Variants in OGT observed in about 807,000 individuals in gnomAD.
OGT encodes the protein UDP-N-acetylglucosamine--peptide N-acetylglucosaminyltransferase 110 kDa subunit.
In OGT, 3 loss-of-function variants were observed where a neutral mutation model predicts 75.8. That is an observed-to-expected ratio of 0.04 (90% CI 0.02 to 0.10). OGT has a LOEUF of 0.10. Among genes scored for constraint, OGT ranks in the 10% least tolerant of loss-of-function variants. The probability of loss-of-function intolerance (pLI) is 1.00; values close to 1 mark genes in which losing one functional copy is unlikely to be tolerated. For synonymous variants in OGT, 257 were observed against 289.7 expected (o/e 0.89, Z 1.15); for missense variants, 260 against 824.4 (o/e 0.32, Z 8.38).
intron 15 of OGT, among the ~76,000 whole-genome samples, chrX:71,562,217 A>G (rs753573523): frequency 3.1e-4 from 35 of 112,737 alleles, no homozygotes; most frequent in Non-Finnish European, 6.0e-4. Flanking sequence ...TAATCCCAGC[A>G]CTTTGGGATG....
chrX:71,552,448 G>A (rs1225453899), intron 5 of OGT, among the ~76,000 whole-genome samples: 1 of 104,067 alleles, frequency 9.6e-6, no homozygotes, highest in Non-Finnish European at 2.0e-5. Context: ...AAGTGCAGTG[G>A]TGTGATCTTG....
At chrX:71,564,986 G>A (rs751700566) in intron 19 of OGT, among the ~76,000 whole-genome samples, 10 of 110,890 alleles carry the variant, frequency 9.0e-5, no homozygotes, top group African/African-American at 3.3e-4. Context: ...GCAAAACCCC[G>A]TCTCTATTAA....
intron 14 of OGT, among the ~76,000 whole-genome samples, chrX:71,560,742 C>T (rs1006718911): frequency 2.7e-5 from 3 of 111,442 alleles, no homozygotes; most frequent in African/African-American, 9.8e-5. Flanking sequence ...CACAGTTGGA[C>T]TCTTTGTGAC....
intron 21 of OGT, among the ~76,000 whole-genome samples, chrX:71,568,348 G>GA (rs1287618549): frequency 1.8e-5 from 2 of 112,086 alleles, no homozygotes; most frequent in African/African-American, 6.5e-5. Flanking sequence ...CAAACGAGGG[G>GA]AAAAAATCTT....
chrX:71,554,247 A>G (rs774264454), intron 5 of OGT, among the ~76,000 whole-genome samples: 1 of 112,107 alleles, frequency 8.9e-6, no homozygotes, highest in African/African-American at 3.2e-5. Context: ...AGAAGTGTTC[A>G]GTTTAATGAA....
At chrX:71,541,568 T>C (rs1025359175) in intron 3 of OGT, among the ~76,000 whole-genome samples, 8 of 111,490 alleles carry the variant, frequency 7.2e-5, no homozygotes, top group Non-Finnish European at 1.1e-4. Context: ...GAAGATTTCC[T>C]CGAGTGGGTG....
At chrX:71,534,419 C>T (rs1411548611) in intron 1 of OGT, 1 of 111,018 alleles carries the variant, frequency 9.0e-6, no homozygotes, top group African/African-American at 3.3e-5. Context: ...TGTCCTTCAG[C>T]TGCCTTTCCA....
chrX:71,544,727 A>G, intron 4 of OGT, 92 bp downstream of exon 4: 1 of 724,730 alleles, frequency 1.4e-6, no homozygotes, highest in Non-Finnish European at 2.1e-6. Flanking sequence ...CTATCTTCAC[A>G]AAACAGTCCT....
At chrX:71,546,464 C>G (rs2040259582) in intron 4 of OGT, 1 of 753,710 alleles carries the variant, frequency 1.3e-6, no homozygotes, top group Non-Finnish European at 1.6e-6. Context: ...AGGAACGCAC[C>G]GAAAAGTCAC....
intron 21 of OGT, among the ~76,000 whole-genome samples, chrX:71,570,040 T>TTG (rs1207876282): frequency 2.6e-5 from 2 of 77,150 alleles, no homozygotes; most frequent in African/African-American, 1.0e-4. Flanking sequence ...GGCGTTTTTT[T>TTG]TTTTTTTTTT....
intron 7 of OGT, 140 bp downstream of exon 7, chrX:71,555,525 C>T (rs2040336804): frequency 1.9e-6 from 1 of 529,297 alleles, no homozygotes; most frequent in African/African-American, 2.4e-5. Context: ...GTTTCGAGAC[C>T]AGCCTAGGCA....
intron 3 of OGT, among the ~76,000 whole-genome samples, chrX:71,540,224 T>C: frequency 8.9e-6 from 1 of 112,416 alleles, no homozygotes; most frequent in Non-Finnish European, 1.9e-5. Flanking sequence ...ATAGTGATCA[T>C]ATTTTAATTT....
chrX:71,562,884 T>C lies in OGT; in HGVS notation c.2015T>C (p.Leu672Pro). 8.3e-7 allele frequency: 1 copy of C among 1,199,724 alleles called. No individual in the cohort carries two copies. Among genetic ancestry groups the C allele is most frequent in the Non-Finnish European group, 1.1e-6 (1 of 886,206 alleles). The change falls in exon 16 of 22, where the codon CTT (leucine) becomes CCT (proline). Residue 672 changes from leucine to proline, a missense_variant. Leu to Pro is a moderately conservative substitution (Grantham distance 98). Transcript: ENST00000373719. ...WLGYPGTSGALFMDYIITDQE... is the reference protein window; with the variant it reads ...WLGYPGTSGAPFMDYIITDQE... ...GGATACCCTGGGACGAGTGGTGCGCTTTTCATGGATTATATTATCACTGAT... is the reference window on the plus strand; with the variant it reads ...GGATACCCTGGGACGAGTGGTGCGCCTTTCATGGATTATATTATCACTGAT...
Position 71,549,082 on chromosome X carries a change from A to T in OGT, c.648+1059A>T, listed in dbSNP as rs2040282364. Among the ~76,000 whole-genome samples the T allele has an allele frequency of 2.8e-5, 3 of 108,983 alleles. No homozygotes were observed. The South Asian group carries it at 1.2e-3, about 44-fold the overall frequency. 94.6% of individuals were successfully genotyped at this position (108,983 alleles called of 115,157 possible). A position where few individuals can be genotyped will look rare whatever the true frequency, so the allele number is the denominator to read the frequency against. On this transcript the variant is annotated intron_variant, in intron 5 of 21. Transcript: ENST00000373719. ...TGCTTTGGGAGGCCGAGGCGGGCAG[A>T]TTGCTTGAGCTTAGGAGTTGAAAAC...
rs1442760231 is a variant in OGT, at chrX:71,574,882, C to A, written c.*1088C>A. The A allele has an allele frequency of 9.1e-6, 1 of 110,069 alleles. No individual in the cohort carries two copies. Among genetic ancestry groups the A allele is most frequent in the Non-Finnish European group, 1.9e-5 (1 of 52,737 alleles). The allele number at this position is 110,069 out of a possible 1,213,427, so 9.1% of individuals were successfully genotyped here. On this transcript the variant is annotated 3_prime_UTR_variant, in exon 22 of 22. Coordinates refer to ENST00000373719, the MANE Select transcript of OGT (RefSeq NM_181672.3). ...CAGTTATCTCCAGTGCATTAAATAA[C>A]CTTCATCAAGAAATAGGTTATAGGT...
rs1469380744 is a variant in OGT, at chrX:71,575,464, T to C, written c.*1670T>C. 1 of 112,900 alleles carries C rather than the reference T, an allele frequency of 8.9e-6. No homozygotes were observed. Among genetic ancestry groups the C allele is most frequent in the African/African-American group, 3.2e-5 (1 of 31,016 alleles). The allele number at this position is 112,900 out of a possible 1,213,427, so 9.3% of individuals were successfully genotyped here. On this transcript the variant is annotated 3_prime_UTR_variant, in exon 22 of 22. Transcript: ENST00000373719. Reference sequence around the variant, plus strand: ...AATCACGGAATATCCGTGAAGGGATTTCTTAATTTATTTTTTACCGGTTGA... The same window carrying C: ...AATCACGGAATATCCGTGAAGGGATCTCTTAATTTATTTTTTACCGGTTGA...
At position 71,568,055 on chromosome X, in the gene OGT, A is replaced by G; in HGVS notation, c.2905A>G (p.Ile969Val). 1.7e-6 allele frequency: 2 copies of G among 1,208,791 alleles called. No homozygotes were observed. Among genetic ancestry groups the G allele is most frequent in the Non-Finnish European group, 2.2e-6 (2 of 892,865 alleles). Residue 969 changes from isoleucine to valine, a missense_variant, in exon 21 of 22, where the codon ATT becomes GTT. Ile to Val is a conservative substitution (Grantham distance 29). Transcript: ENST00000373719. ...CACTTGCTTAGGTTGTCTTGAGCTT[A>G]TTGCTAAAAACAGACAAGAATATGA... ...QLTCLGCLEL[I>V]AKNRQEYEDI...
rs1039960466 is a variant in OGT at position 71,536,369 on chromosome X, T to C, written c.218+11T>C. On this transcript the variant is annotated intron_variant, in intron 2 of 21. Transcript: ENST00000373719. Reference sequence around the variant, plus strand: ...TCGAAGGCTGGACAGGTAGGAGATGTTGGGGTACCTGCTCGTGATTGCTGC... The same window carrying C: ...TCGAAGGCTGGACAGGTAGGAGATGCTGGGGTACCTGCTCGTGATTGCTGC... 2.3e-5 allele frequency: 26 copies of C among 1,118,997 alleles called. No individual in the cohort carries two copies. Among genetic ancestry groups the C allele is most frequent in the Non-Finnish European group, 3.0e-5 (25 of 842,803 alleles). The allele number at this position is 1,118,997 out of a possible 1,213,427, so 92.2% of individuals were successfully genotyped here.
rs1203193744 is a variant in OGT at position 71,574,917 on chromosome X, G to A, written c.*1123G>A. ...GAAATAGGTTATAGGTAAAATCTCTGAAGGATCATCTATGTATTCAAGTAA... is the reference window on the plus strand; with the variant it reads ...GAAATAGGTTATAGGTAAAATCTCTAAAGGATCATCTATGTATTCAAGTAA... On this transcript the variant is annotated 3_prime_UTR_variant, in exon 22 of 22. Coordinates refer to ENST00000373719, the MANE Select transcript of OGT (RefSeq NM_181672.3). 9.0e-6 allele frequency: 1 copy of A among 111,273 alleles called. No individual in the cohort carries two copies. 9.2% of individuals were successfully genotyped at this position (111,273 alleles called of 1,213,427 possible). A position where few individuals can be genotyped will look rare whatever the true frequency, so the allele number is the denominator to read the frequency against.
Sources: allele counts gnomAD v4.1 joint callset (sites outside exome capture counted in the v4.1 genomes callset), GRCh38; gene constraint gnomAD v4.1.1; transcripts MANE v1.5; gene names NCBI Gene and HGNC (gene_info 2026-07-23, HGNC 2026-07-21).